The following CFB variants were observed in gnomAD, a reference collection of about 807,000 sequenced individuals.
The protein encoded by CFB is B-factor, properdin.
In CFB, 59 loss-of-function variants were observed where a neutral mutation model predicts 97.2. That is an observed-to-expected ratio of 0.61 (90% confidence interval 0.49 to 0.75). CFB has a LOEUF of 0.75. Ranked by LOEUF, CFB falls within the 30% of genes least tolerant of loss-of-function variation. The pLI is 0.00. For missense variants in CFB, 771 were observed against 959.8 expected, an observed-to-expected ratio of 0.80 and a Z score of 2.60; for synonymous variants, 316 against 351.7, an observed-to-expected ratio of 0.90 and a Z score of 1.14.
intron 10 of CFB, 72 bp downstream of exon 10, chr6:31,949,629 C>T (rs1771633990): frequency 1.3e-6 from 2 of 1,578,418 alleles, no homozygotes; most frequent in Admixed American, 1.7e-5. Context: ...TCTTCCTCTA[C>T]ACCTGAAGCT....
At position 31,948,075 on chromosome 6, in the gene CFB, T is replaced by C. The variant is rs1771548885; in HGVS notation, c.891T>C (p.Ile297=). 6.2e-7 allele frequency: 1 copy of C among 1,613,966 alleles called. No homozygotes were observed. Among genetic ancestry groups the C allele is most frequent in the Non-Finnish European group, 8.5e-7 (1 of 1,180,004 alleles). The part of the protein sequence containing the change: ...TGAKKCLVNL[I]EKVASYGVKP... ...CCAAAAAGTGTCTAGTCAACTTAAT[T>C]GAGAAGGTGGAATCCTCCTATCCCT... The change falls in exon 6 of 18, where the codon ATT becomes ATC. Residue 297 remains isoleucine, a synonymous_variant. Transcript: ENST00000425368.
In CFB at chr6:31,949,230, G is replaced by C; in HGVS notation, c.1169-13G>C. On this transcript the variant is annotated splice_polypyrimidine_tract_variant and intron_variant, in intron 8 of 17. Coordinates refer to ENST00000425368, the MANE Select transcript of CFB (RefSeq NM_001710.6). ...CCTTATCTCCTACCCTCATGGTCCT[G>C]TCTCTTCTGCAGGATTGCACAACAT... The C allele has an allele frequency of 1.9e-6, 3 of 1,613,496 alleles. No individual in the cohort carries two copies. Among genetic ancestry groups the C allele is most frequent in the Middle Eastern group, 1.7e-4 (1 of 6,020 alleles).
chr6:31,946,807 C>T lies in CFB; in HGVS notation c.299-200C>T. 4 of 779,412 alleles carry T rather than the reference C, an allele frequency of 5.1e-6. No individual in the cohort carries two copies. Among genetic ancestry groups the T allele is most frequent in the Admixed American group, 4.0e-5 (2 of 49,684 alleles). 48.3% of individuals were successfully genotyped at this position (779,412 alleles called of 1,614,324 possible). A position where few individuals can be genotyped will look rare whatever the true frequency, so the allele number is the denominator to read the frequency against. On this transcript the variant is annotated intron_variant, in intron 2 of 17. Coordinates refer to ENST00000425368, the MANE Select transcript of CFB (RefSeq NM_001710.6). The surrounding 1 kb of genome is among the most constrained non-coding windows in gnomAD (Gnocchi z 6.4). Reference sequence around the variant, plus strand: ...GCATTTACCCTGGGCTTCCAGGCAGCCCTGGAAGTCAAGAGAACACTCAGA... The same window carrying T: ...GCATTTACCCTGGGCTTCCAGGCAGTCCTGGAAGTCAAGAGAACACTCAGA...
At position 31,950,632 on chromosome 6, in the gene CFB, G is replaced by C; in HGVS notation, c.1638G>C (p.Arg546=). 6.2e-7 allele frequency: 1 copy of C among 1,613,066 alleles called. No individual in the cohort carries two copies. The highest frequency in any genetic ancestry group is 1.3e-5 in the African/African-American group (1 of 75,048). ...SIKVSVGGEK[R]DLEIEVVLFH... is the part of the protein sequence containing the mutation. ...CTCCTACTTCAGGAGGGGAGAAGCG[G>C]GACCTGGAGATAGAAGTAGTCCTAT... Residue 546 remains arginine (R), a synonymous_variant, in exon 13 of 18, where the codon CGG becomes CGC. Coordinates refer to ENST00000425368, the MANE Select transcript of CFB (RefSeq NM_001710.6).
Position 31,946,549 on chromosome 6 carries a change from T to A in CFB, c.241T>A (p.Ser81Thr). The A allele has an allele frequency of 6.2e-7, 1 of 1,612,692 alleles. No individual in the cohort carries two copies. The highest frequency in any genetic ancestry group is 2.2e-5 in the East Asian group (1 of 44,868). Residue 81 changes from serine (S) to threonine (T), a missense_variant, in exon 2 of 18, where the codon TCC becomes ACC. By Grantham distance (58) the Ser-to-Thr change is moderately conservative. Coordinates refer to ENST00000425368, the MANE Select transcript of CFB (RefSeq NM_001710.6). The surrounding 1 kb of genome is among the most constrained non-coding windows in gnomAD (Gnocchi z 6.4). ...GACACGTACCTGCAGATCTACGGGGTCCTGGAGCACCCTGAAGACTCAAGA... is the reference window on the plus strand; with the variant it reads ...GACACGTACCTGCAGATCTACGGGGACCTGGAGCACCCTGAAGACTCAAGA... ...VQTRTCRSTG[S>T]WSTLKTQDQK...
rs571328230 is a variant in CFB at position 31,946,715 on chromosome 6, G to A, written c.298+109G>A. The A allele has an allele frequency of 4.8e-4, 517 of 1,083,300 alleles. 1 individual carries two copies. Among genetic ancestry groups the A allele is most frequent in the Middle Eastern group, 4.0e-3 (19 of 4,806 alleles). 67.1% of individuals were successfully genotyped at this position (1,083,300 alleles called of 1,614,324 possible). A position where few individuals can be genotyped will look rare whatever the true frequency, so the allele number is the denominator to read the frequency against. On this transcript the variant is annotated intron_variant, in intron 2 of 17. Coordinates refer to ENST00000425368, the MANE Select transcript of CFB (RefSeq NM_001710.6). The surrounding 1 kb of genome is among the most constrained non-coding windows in gnomAD (Gnocchi z 6.4). ...CAGGGTGACAAGGTGGGCTGACCGG[G>A]AGTAGGAGCAGTTTTAGGGTGGCAG...
At position 31,950,377 on chromosome 6, in the gene CFB, A is replaced by G. The variant is rs149101394; in HGVS notation, c.1598A>G (p.Lys533Arg). 4.8e-3 allele frequency: 7,747 copies of G among 1,613,030 alleles called. 259 individuals carry two copies. In the South Asian group the frequency reaches 0.06, roughly 13 times the overall value. Residue 533 changes from lysine to arginine, a missense_variant, in exon 12 of 18, where the codon AAG (lysine) becomes AGG (arginine). Transcript: ENST00000425368. Reference protein sequence around the residue: ...TAAHCFTVDDKEHSIKVSVGG... With the variant: ...TAAHCFTVDDREHSIKVSVGG... Reference sequence around the variant, plus strand: ...GCACATTGTTTCACTGTGGATGACAAGGAACACTCAATCAAGGTCAGCGTA... The same window carrying G: ...GCACATTGTTTCACTGTGGATGACAGGGAACACTCAATCAAGGTCAGCGTA...
At position 31,951,910 on chromosome 6, in the gene CFB, C is replaced by T; in HGVS notation, c.2175C>T (p.Cys725=). 6.2e-7 allele frequency: 1 copy of T among 1,613,126 alleles called. No individual in the cohort carries two copies. Among genetic ancestry groups the T allele is most frequent in the Non-Finnish European group, 8.5e-7 (1 of 1,180,042 alleles). ...GVISWGVVDV[C]KNQKRQKQVP... is the part of the protein sequence containing the mutation. ...TCAGCTGGGGAGTAGTGGATGTCTGCAAAAACCAGAAGCGGCAAAAGCAGG... is the reference window on the plus strand; with the variant it reads ...TCAGCTGGGGAGTAGTGGATGTCTGTAAAAACCAGAAGCGGCAAAAGCAGG... The change falls in exon 18 of 18, where the codon TGC becomes TGT. Residue 725 remains cysteine (C), a synonymous_variant. Transcript: ENST00000425368. This position sits in a 1 kb window ranked among gnomAD's most constrained non-coding sequence, Gnocchi z 4.3.
rs1409862439 is a variant in CFB, at chr6:31,946,296, G to C, written c.64+11G>C. 6.2e-7 allele frequency: 1 copy of C among 1,613,060 alleles called. No individual in the cohort carries two copies. Among genetic ancestry groups the C allele is most frequent in the Non-Finnish European group, 8.5e-7 (1 of 1,180,018 alleles). ...GCCTCTTGTCTGGAGGTAAGCGAGG[G>C]TAACCTTCCCTTCCTGCTGTCTCCA... On this transcript the variant is annotated intron_variant, in intron 1 of 17. Transcript: ENST00000425368. This position sits in a 1 kb window ranked among gnomAD's most constrained non-coding sequence, Gnocchi z 6.4.
intron 12 of CFB, 108 bp downstream of exon 12, chr6:31,950,511 T>G (rs758745651): frequency 6.4e-7 from 1 of 1,571,316 alleles, no homozygotes; most frequent in East Asian, 2.2e-5. Flanking sequence ...CCCCATTCCT[T>G]GCACCCCAGA....
chr6:31,946,493 G>C lies in CFB; in HGVS notation c.185G>C (p.Cys62Ser). ...GAGGGCCAGGCACTGGAGTACGTGTGTCCTTCTGGCTTCTACCCGTACCCT... is the reference window on the plus strand; with the variant it reads ...GAGGGCCAGGCACTGGAGTACGTGTCTCCTTCTGGCTTCTACCCGTACCCT... ...LQEGQALEYV[C>S]PSGFYPYPVQ... Residue 62 changes from cysteine (C) to serine (S), a missense_variant, in exon 2 of 18, where the codon TGT becomes TCT. By Grantham distance (112) the Cys-to-Ser change is moderately radical. Transcript: ENST00000425368. This position sits in a 1 kb window ranked among gnomAD's most constrained non-coding sequence, Gnocchi z 6.4. 6.2e-7 allele frequency: 1 copy of C among 1,613,078 alleles called. No homozygotes were observed. The highest frequency in any genetic ancestry group is 8.5e-7 in the Non-Finnish European group (1 of 1,180,030).
chr6:31,950,327 G>T lies in CFB; in HGVS notation c.1548G>T (p.Val516=). Residue 516 remains valine (V), a synonymous_variant, in exon 12 of 18, where the codon GTG becomes GTT. Transcript: ENST00000425368. The stretch of plus-strand genomic sequence containing the variant: ...ACGAGAGCTGTATGGGGGCTGTGGT[G>T]TCTGAGTACTTTGTGCTGACAGCAG... ...KGHESCMGAV[V]SEYFVLTAAH... is the part of the protein sequence containing the mutation. 6.2e-7 allele frequency: 1 copy of T among 1,613,110 alleles called. No homozygotes were observed. The highest frequency in any genetic ancestry group is 2.2e-5 in the East Asian group (1 of 44,880).
chr6:31,949,595 T>G, intron 10 of CFB, 38 bp downstream of exon 10: 1 of 1,611,156 alleles, frequency 6.2e-7, no homozygotes, highest in South Asian at 1.1e-5. Context: ...ACAACTCTCC[T>G]CAGGTTCCCC....
Position 31,950,696 on chromosome 6 carries a change from G to A in CFB, c.1702G>A (p.Gly568Arg), listed in dbSNP as rs1771706701. 1.2e-6 allele frequency: 2 copies of A among 1,613,062 alleles called. No individual in the cohort carries two copies. The highest frequency in any genetic ancestry group is 2.7e-5 in the African/African-American group (2 of 75,026). The stretch of plus-strand genomic sequence containing the variant: ...CAACATTAATGGGAAAAAAGAAGCA[G>A]GAATTCCTGAATTTTATGACTATGA... ...NYNINGKKEA[G>R]IPEFYDYDVA... The change falls in exon 13 of 18, where the codon GGA (glycine) becomes AGA (arginine). Residue 568 changes from glycine to arginine, a missense_variant. Physicochemically the swap from Gly to Arg is moderately radical, Grantham distance 125. Transcript: ENST00000425368.
At position 31,951,262 on chromosome 6, in the gene CFB, T is replaced by C; in HGVS notation, c.1956+18T>C. The C allele has an allele frequency of 6.2e-7, 1 of 1,613,324 alleles. No homozygotes were observed. Among genetic ancestry groups the C allele is most frequent in the Non-Finnish European group, 8.5e-7 (1 of 1,179,962 alleles). On this transcript the variant is annotated intron_variant, in intron 15 of 17. Coordinates refer to ENST00000425368, the MANE Select transcript of CFB (RefSeq NM_001710.6). This position sits in a 1 kb window ranked among gnomAD's most constrained non-coding sequence, Gnocchi z 4.3. ...GGGATAAGGTGAGAAACGGGCATCC[T>C]AAGGAGGCACTCTAGGCCCCAATCC...
At position 31,947,155 on chromosome 6, in the gene CFB, C is replaced by G; in HGVS notation, c.447C>G (p.Gly149=). ...GSANRTCQVN[G]RWSGQTAICD... ...CCAATCGCACCTGCCAAGTGAATGG[C>G]CGATGGAGTGGGCAGACAGCGATCT... Residue 149 remains glycine (G), a synonymous_variant, in exon 3 of 18, where the codon GGC becomes GGG. Transcript: ENST00000425368. This position sits in a 1 kb window ranked among gnomAD's most constrained non-coding sequence, Gnocchi z 5.3. 6.2e-7 allele frequency: 1 copy of G among 1,612,970 alleles called. No homozygotes were observed. The highest frequency in any genetic ancestry group is 8.5e-7 in the Non-Finnish European group (1 of 1,180,016).
chr6:31,949,365 C>T (rs779931165), intron 9 of CFB, 21 bp downstream of exon 9: 1 of 1,614,162 alleles, frequency 6.2e-7, no homozygotes, highest in South Asian at 1.1e-5. Context: ...TGCCTAGGAC[C>T]CAGCACCCCA....
chr6:31,949,505 G>C lies in CFB; in HGVS notation c.1356G>C (p.Val452=). 1.2e-6 allele frequency: 2 copies of C among 1,613,792 alleles called. No individual in the cohort carries two copies. Among genetic ancestry groups the C allele is most frequent in the Non-Finnish European group, 1.7e-6 (2 of 1,180,046 alleles). The change falls in exon 10 of 18, where the codon GTG becomes GTC. Residue 452 remains valine (V), a synonymous_variant. Coordinates refer to ENST00000425368, the MANE Select transcript of CFB (RefSeq NM_001710.6). The stretch of plus-strand genomic sequence containing the variant: ...CCAAGAAAGACAATGAGCAACATGT[G>C]TTCAAAGTCAAGGATATGGAAAACC... The part of the protein sequence containing the change: ...LASKKDNEQH[V]FKVKDMENLE...
chr6:31,947,055 C>T lies in CFB; in HGVS notation c.347C>T (p.Pro116Leu), dbSNP rs1771469637. 1 of 1,612,964 alleles carries T rather than the reference C, an allele frequency of 6.2e-7. No individual in the cohort carries two copies. The change falls in exon 3 of 18, where the codon CCC (proline) becomes CTC (leucine). Residue 116 changes from proline (P) to leucine (L), a missense_variant. Physicochemically the swap from Pro to Leu is moderately conservative, Grantham distance 98 (BLOSUM62 -3). Transcript: ENST00000425368. This position sits in a 1 kb window ranked among gnomAD's most constrained non-coding sequence, Gnocchi z 5.3. The stretch of plus-strand genomic sequence containing the variant: ...GACTTCGAGAACGGGGAATACTGGC[C>T]CCGGTCTCCCTACTACAATGTGAGT... ...PHDFENGEYW[P>L]RSPYYNVSDE...
Sources: allele counts gnomAD v4.1 joint callset, GRCh38; gene constraint gnomAD v4.1.1; non-coding constraint Gnocchi (gnomAD v3.1); transcripts MANE v1.5; gene names NCBI Gene and HGNC (gene_info 2026-07-23, HGNC 2026-07-21).